Variants in GGTA1 observed in about 807,000 individuals in gnomAD.
GGTA1 encodes the protein glycoprotein alpha-galactosyltransferase 1 (inactive), also known as inactive N-acetyllactosaminide alpha-1,3-galactosyltransferase.
GGTA1 carries 5 observed loss-of-function variants against 2.6 expected under a neutral mutation model. The ratio of observed to expected loss-of-function variants is 1.92; its 90% CI spans 1.00 to 4.04. The LOEUF (loss-of-function observed/expected upper bound fraction) is 4.04. GGTA1 is among the 30% of genes most tolerant of loss of function. The pLI, the probability that GGTA1 is intolerant of heterozygous loss-of-function variation, is 0.00. For missense variants in GGTA1, 50 were observed against 16.7 expected, an observed-to-expected ratio of 2.99 and a Z score of -3.47; for synonymous variants, 17 against 5.0, an observed-to-expected ratio of 3.38 and a Z score of -3.19.
exon 8 of GGTA1, chr9:121,445,844 T>G (rs1322279196): frequency 6.6e-6 from 1 of 152,210 alleles, no homozygotes; most frequent in Non-Finnish European, 1.5e-5. Context: ...TGGGGTATGA[T>G]GGGCTGAGGA....
At chr9:121,477,976 G>C (rs1458336527) in intron 1 of GGTA1, among the ~76,000 whole-genome samples, 1 of 151,230 alleles carries the variant, frequency 6.6e-6, no homozygotes, top group Non-Finnish European at 1.5e-5. Flanking sequence ...CCAGACCCTG[G>C]GCTAAACCCC....
chr9:121,455,951 G>A (rs1016032703), intron 5 of GGTA1, 110 bp from the exon 6 acceptor site: 1 of 413,270 alleles, frequency 2.4e-6, no homozygotes, highest in Non-Finnish European at 4.9e-6. Context: ...ACAGGTCAGT[G>A]ACCCTGACTA....
intron 1 of GGTA1, among the ~76,000 whole-genome samples, chr9:121,472,533 AG>A (rs1262501146): frequency 4.9e-4 from 75 of 152,354 alleles, no homozygotes; most frequent in African/African-American, 1.8e-3. Flanking sequence ...GAAAGAAAGG[AG>A]GGATTTGGAA....
chr9:121,460,040 C>T, intron 5 of GGTA1, 64 bp downstream of exon 5: 3 of 448,698 alleles, frequency 6.7e-6, no homozygotes, highest in South Asian at 3.2e-5. Flanking sequence ...GTTGCCTCCA[C>T]TGCCACACCA....
intron 7 of GGTA1, among the ~76,000 whole-genome samples, chr9:121,449,608 G>A (rs1020370527): frequency 2.6e-5 from 4 of 152,130 alleles, no homozygotes; most frequent in Admixed American, 6.5e-5. Context: ...TTGGGAGGCC[G>A]AGGCGGGTGG....
At chr9:121,479,078 G>A (rs1157874294) in intron 1 of GGTA1, 1 of 456,592 alleles carries the variant, frequency 2.2e-6, no homozygotes. Flanking sequence ...TGAAGTCCCT[G>A]AGCCGGCATC....
chr9:121,457,911 CTTTT>C (rs530400416), intron 5 of GGTA1, among the ~76,000 whole-genome samples: 1 of 135,314 alleles, frequency 7.4e-6, no homozygotes, highest in Admixed American at 7.5e-5. Flanking sequence ...GAAAAGGATA[CTTTT>C]TTTTTTTTTT....
chr9:121,484,115 G>A (rs757672761), intron 1 of GGTA1, among the ~76,000 whole-genome samples: 8 of 152,142 alleles, frequency 5.3e-5, no homozygotes, highest in African/African-American at 1.4e-4. Context: ...TTTGGGTGAC[G>A]GATACACTAA....
At chr9:121,494,922 C>CTTTT (rs66772492) in intron 1 of GGTA1, 3,400 of 114,022 alleles carry the variant, frequency 0.03, 158 homozygotes, top group East Asian at 0.092. Context: ...CTACATCATT[C>CTTTT]TTTTTTTTTT....
At chr9:121,499,056 C>G (rs1161999569) in intron 1 of GGTA1, among the ~76,000 whole-genome samples, 2 of 152,054 alleles carry the variant, frequency 1.3e-5, no homozygotes, top group East Asian at 1.9e-4. Context: ...GCAGGCACCC[C>G]GGATGCCAAA....
chr9:121,484,960 A>T (rs1828728516), intron 1 of GGTA1, among the ~76,000 whole-genome samples: 1 of 152,232 alleles, frequency 6.6e-6, no homozygotes, highest in Non-Finnish European at 1.5e-5. Flanking sequence ...AGAGCTACAG[A>T]AAAGCAAGGA....
chr9:121,475,794 ACTG>A (rs1175596939), intron 1 of GGTA1, among the ~76,000 whole-genome samples: 1 of 152,180 alleles, frequency 6.6e-6, no homozygotes, highest in Non-Finnish European at 1.5e-5. Context: ...GCAGTAATTA[ACTG>A]GGTATTACTG....
chr9:121,487,494 T>C (rs371692978), intron 1 of GGTA1, among the ~76,000 whole-genome samples: 4 of 147,748 alleles, frequency 2.7e-5, no homozygotes, highest in East Asian at 2.1e-4. Context: ...GAGAATCGTT[T>C]GAACCCGGGA....
At chr9:121,457,973 GA>G (rs2064927775) in intron 5 of GGTA1, among the ~76,000 whole-genome samples, 1 of 147,886 alleles carries the variant, frequency 6.8e-6, no homozygotes, top group Non-Finnish European at 1.5e-5. Flanking sequence ...GCAGTGGCAT[GA>G]TCTTGGCTCA....
chr9:121,471,400 G>A (rs1231902627), intron 1 of GGTA1, among the ~76,000 whole-genome samples: 3 of 152,178 alleles, frequency 2.0e-5, no homozygotes, highest in Non-Finnish European at 4.4e-5. Context: ...AGTACACGAG[G>A]CACTCCATTA....
chr9:121,495,326 A>G (rs939514041), intron 1 of GGTA1, among the ~76,000 whole-genome samples: 9 of 151,352 alleles, frequency 5.9e-5, no homozygotes, highest in Non-Finnish European at 1.3e-4. Flanking sequence ...CAGGTGGATC[A>G]CTTGAGGTCA....
At chr9:121,469,274 G>A (rs971399342) in intron 1 of GGTA1, among the ~76,000 whole-genome samples, 3 of 152,180 alleles carry the variant, frequency 2.0e-5, no homozygotes, top group Non-Finnish European at 4.4e-5. Context: ...AAGAAGGAAT[G>A]AGACTATTTT....
At chr9:121,467,199 T>C (rs2065011303) in intron 2 of GGTA1, among the ~76,000 whole-genome samples, 1 of 152,196 alleles carries the variant, frequency 6.6e-6, no homozygotes, top group African/African-American at 2.4e-5. Context: ...CCTCTCCAGC[T>C]GGAATGGCCA....
At chr9:121,487,996 G>A (rs562358741) in intron 1 of GGTA1, among the ~76,000 whole-genome samples, 12 of 152,260 alleles carry the variant, frequency 7.9e-5, no homozygotes, top group East Asian at 3.9e-4. Flanking sequence ...GATTACAGGT[G>A]TGAGCCACCG....
Sources: allele counts gnomAD v4.1 joint callset (sites outside exome capture counted in the v4.1 genomes callset), GRCh38; gene constraint gnomAD v4.1.1; transcripts MANE v1.5; gene names NCBI Gene and HGNC (gene_info 2026-07-23, HGNC 2026-07-21).